The following GABRR1 variants were observed in gnomAD, a reference collection of about 807,000 sequenced individuals.
GABRR1 encodes the protein gamma-aminobutyric acid type A receptor subunit rho1, also known as gamma-aminobutyric acid receptor subunit rho-1.
Under a neutral mutation model 55.5 loss-of-function variants are expected in GABRR1, and 59 were observed. The ratio of observed to expected loss-of-function variants is 1.06; its 90% CI spans 0.86 to 1.32. The LOEUF is 1.32. Ranked by LOEUF, GABRR1 falls within the 40% of genes most tolerant of loss-of-function variation. The probability of loss-of-function intolerance (pLI) is 0.00; values close to 1 mark genes in which losing one functional copy is unlikely to be tolerated. For missense variants in GABRR1, 602 were observed against 619.1 expected, an observed-to-expected ratio of 0.97 and a Z score of 0.29; for synonymous variants, 213 against 226.0, an observed-to-expected ratio of 0.94 and a Z score of 0.51.
In GABRR1 at chr6:89,211,317, C is replaced by T. The variant is rs370975043; in HGVS notation, c.122+5884G>A. On this transcript the variant is annotated intron_variant, in intron 1 of 9. Transcript: ENST00000454853. ...GCAACTCCTCATGCCACATTGTTGC[C>T]GCCCCTGGCCTCTCTTCATCCTTTG... Among the ~76,000 whole-genome samples the T allele has an allele frequency of 2.2e-3, 340 of 152,224 alleles. 3 individuals are homozygous for T. Among genetic ancestry groups the T allele is most frequent in the African/African-American group, 6.9e-3 (287 of 41,540 alleles).
At chr6:89,213,103 T>C (rs1197794083) in intron 1 of GABRR1, among the ~76,000 whole-genome samples, 1 of 152,160 alleles carries the variant, frequency 6.6e-6, no homozygotes, top group Non-Finnish European at 1.5e-5. Context: ...ACATGAATTA[T>C]TTCCTGGAGT....
intron 7 of GABRR1, among the ~76,000 whole-genome samples, chr6:89,184,639 T>C (rs1380274300): frequency 6.6e-6 from 1 of 152,148 alleles, no homozygotes; most frequent in Non-Finnish European, 1.5e-5. Context: ...CAGACCTGAA[T>C]TGTATTTGTT....
At chr6:89,214,124 C>A (rs1218771774) in intron 1 of GABRR1, among the ~76,000 whole-genome samples, 1 of 151,786 alleles carries the variant, frequency 6.6e-6, no homozygotes, top group Non-Finnish European at 1.5e-5. Flanking sequence ...GCAAGGACTT[C>A]TGGTACTATG....
At chr6:89,186,498 T>C (rs1199925862) in intron 6 of GABRR1, among the ~76,000 whole-genome samples, 2 of 152,200 alleles carry the variant, frequency 1.3e-5, no homozygotes, top group Non-Finnish European at 1.5e-5. Flanking sequence ...CCTGCAGATG[T>C]GGGACTCTTA....
At chr6:89,221,081 T>C (rs1431754734), upstream of GABRR1, among the ~76,000 whole-genome samples, 1 of 152,118 alleles carries the variant, frequency 6.6e-6, no homozygotes, top group Admixed American at 6.5e-5. Context: ...GCCTTCTCTC[T>C]CTTCTCACTC....
intron 1 of GABRR1, among the ~76,000 whole-genome samples, chr6:89,212,451 A>ACTTATAT (rs1772856647): frequency 2.9e-5 from 1 of 34,602 alleles, no homozygotes; most frequent in Non-Finnish European, 7.9e-5. Flanking sequence ...ATCTGCTGAG[A>ACTTATAT]CCATTCAGCT....
intron 1 of GABRR1, among the ~76,000 whole-genome samples, chr6:89,223,626 A>G (rs1293243917): frequency 3.3e-5 from 5 of 151,802 alleles, no homozygotes; most frequent in Admixed American, 1.3e-4. Flanking sequence ...GAATCTCCAC[A>G]CTGTTTTCCA....
chr6:89,205,713 T>C (rs1772619311), intron 1 of GABRR1: 2 of 152,206 alleles, frequency 1.3e-5, no homozygotes, highest in African/African-American at 4.8e-5. Flanking sequence ...GAGCATCTGA[T>C]AAGTTACACT....
In GABRR1 at chr6:89,182,290, G is replaced by A. The variant is rs550498744; in HGVS notation, c.797-233C>T. On this transcript the variant is annotated intron_variant, in intron 7 of 9. Coordinates refer to ENST00000454853, the MANE Select transcript of GABRR1 (RefSeq NM_002042.5). Reference sequence around the variant, plus strand: ...GTCCTATTTACAAACGGAATCCCTTGAAAAGACCATTTAAACTTTTTTCTT... The same window carrying A: ...GTCCTATTTACAAACGGAATCCCTTAAAAAGACCATTTAAACTTTTTTCTT... Among the ~76,000 whole-genome samples the A allele has an allele frequency of 1.0e-3, 154 of 152,228 alleles. 1 individual carries two copies. The highest frequency in any genetic ancestry group is 3.6e-3 in the African/African-American group (150 of 41,566).
intron 7 of GABRR1, 93 bp downstream of exon 7, chr6:89,185,217 G>A: frequency 6.6e-7 from 1 of 1,508,402 alleles, no homozygotes; most frequent in Non-Finnish European, 9.1e-7. Context: ...CTGCTCACCT[G>A]ACGACCAATT....
At chr6:89,199,707 G>A (rs571232262) in intron 3 of GABRR1, among the ~76,000 whole-genome samples, 2 of 152,170 alleles carry the variant, frequency 1.3e-5, no homozygotes, top group Non-Finnish European at 2.9e-5. Flanking sequence ...TCTGATCTAA[G>A]AGTAACTGAC....
rs1475440776 is a variant in GABRR1 at position 89,200,588 on chromosome 6, T to TC, written c.280+570_280+571insG. On this transcript the variant is annotated intron_variant, in intron 3 of 9. Transcript: ENST00000454853. Reference sequence around the variant, plus strand: ...AGAATGATTTTTAAAATGAGTATTTTTTTTTCCAGGAAAATAAACCCATAA... The same window carrying TC: ...AGAATGATTTTTAAAATGAGTATTTTCTTTTTCCAGGAAAATAAACCCATAA... Among the ~76,000 whole-genome samples, 11 of 151,072 alleles carry TC rather than the reference T, an allele frequency of 7.3e-5. No individual in the cohort carries two copies. The East Asian group carries it at 1.8e-3, about 24-fold the overall frequency.
chr6:89,211,314 T>A (rs1465518854), intron 1 of GABRR1, among the ~76,000 whole-genome samples: 1 of 152,162 alleles, frequency 6.6e-6, no homozygotes, highest in Non-Finnish European at 1.5e-5. Context: ...GCCACATTGT[T>A]GCCGCCCCTG....
At chr6:89,205,048 A>G (rs1167284849) in intron 1 of GABRR1, among the ~76,000 whole-genome samples, 1 of 152,188 alleles carries the variant, frequency 6.6e-6, no homozygotes, top group African/African-American at 2.4e-5. Flanking sequence ...ACACTGCTTG[A>G]GCACTTCCTA....
chr6:89,183,189 C>G (rs1393357052), intron 7 of GABRR1, among the ~76,000 whole-genome samples: 2 of 146,596 alleles, frequency 1.4e-5, no homozygotes, highest in Non-Finnish European at 3.0e-5. Flanking sequence ...GCCTTATATG[C>G]GTGAGATGCC....
chr6:89,178,504 T>C lies in GABRR1; in HGVS notation c.*266A>G, dbSNP rs1051250814. On this transcript the variant is annotated 3_prime_UTR_variant, in exon 10 of 10. Coordinates refer to ENST00000454853, the MANE Select transcript of GABRR1 (RefSeq NM_002042.5). ...TGGTAGTGTGCTTTTCCAGGGGATC[T>C]GGGTAACAACTAACATCAGTCGCTA... 7.0e-5 allele frequency: 32 copies of C among 457,992 alleles called. No individual in the cohort carries two copies. The highest frequency in any genetic ancestry group is 6.0e-4 in the Middle Eastern group (1 of 1,656). 28.4% of individuals were successfully genotyped at this position (457,992 alleles called of 1,614,324 possible). A position where few individuals can be genotyped will look rare whatever the true frequency, so the allele number is the denominator to read the frequency against.
At chr6:89,202,357 T>A (rs1054206054) in intron 2 of GABRR1, among the ~76,000 whole-genome samples, 5 of 151,838 alleles carry the variant, frequency 3.3e-5, no homozygotes, top group Admixed American at 1.3e-4. Flanking sequence ...AGTGGTGTGA[T>A]CTCGGCTCAC....
At chr6:89,211,794 G>A (rs902583656) in intron 1 of GABRR1, among the ~76,000 whole-genome samples, 2 of 152,140 alleles carry the variant, frequency 1.3e-5, no homozygotes, top group Non-Finnish European at 2.9e-5. Flanking sequence ...ACACCTCTGT[G>A]TTCCAGCTCT....
intron 6 of GABRR1, among the ~76,000 whole-genome samples, chr6:89,187,212 T>G (rs972936139): frequency 6.6e-6 from 1 of 151,918 alleles, no homozygotes; most frequent in Admixed American, 6.6e-5. Context: ...CTGGGGGGTG[T>G]GTGTGTGTGT....
Sources: allele counts gnomAD v4.1 joint callset (sites outside exome capture counted in the v4.1 genomes callset), GRCh38; gene constraint gnomAD v4.1.1; transcripts MANE v1.5; gene names NCBI Gene and HGNC (gene_info 2026-07-23, HGNC 2026-07-21).